The following EGFL6 variants were observed in gnomAD, a reference collection of about 807,000 sequenced individuals.
The protein encoded by EGFL6 is epidermal growth factor-like protein 6.
In EGFL6, 42 loss-of-function variants were observed where a neutral mutation model predicts 43.1. The observed-to-expected ratio is 0.98, with a 90% CI of 0.76 to 1.26. The LOEUF is 1.26. Among genes scored for constraint, EGFL6 ranks in the 50% most tolerant of loss-of-function variants. The probability of loss-of-function intolerance (pLI) is 0.00; values close to 1 mark genes in which losing one functional copy is unlikely to be tolerated. For missense variants in EGFL6, 429 were observed against 427.8 expected (o/e 1.00, Z -0.02); for synonymous variants, 164 against 163.2 (o/e 1.01, Z -0.04).
chrX:13,583,870 C>G (rs905791314), intron 1 of EGFL6, among the ~76,000 whole-genome samples: 1 of 111,785 alleles, frequency 8.9e-6, no homozygotes, highest in Non-Finnish European at 1.9e-5. Flanking sequence ...GAGGCTGCAA[C>G]TCCCACAGGC....
chrX:13,580,046 C>A (rs2045496872), intron 1 of EGFL6, among the ~76,000 whole-genome samples: 1 of 111,384 alleles, frequency 9.0e-6, no homozygotes, highest in African/African-American at 3.3e-5. Context: ...CTAAGTACAA[C>A]CCCACATAAA....
chrX:13,589,165 G>A (rs2045549167), intron 1 of EGFL6, among the ~76,000 whole-genome samples: 1 of 111,905 alleles, frequency 8.9e-6, no homozygotes, highest in Non-Finnish European at 1.9e-5. Context: ...AGGTGCCAGT[G>A]GGATAAAAGT....
intron 9 of EGFL6, among the ~76,000 whole-genome samples, chrX:13,621,331 T>C (rs185234841): frequency 1.8e-5 from 2 of 111,958 alleles, no homozygotes; most frequent in Admixed American, 9.4e-5. Flanking sequence ...CTCATAATTA[T>C]CCTACTGAAG....
intron 3 of EGFL6, among the ~76,000 whole-genome samples, chrX:13,598,988 T>G (rs954823867): frequency 5.6e-5 from 6 of 106,204 alleles, no homozygotes; most frequent in Non-Finnish European, 1.2e-4. Context: ...CCAAATGTCA[T>G]CCTGTGAACA....
Position 13,627,023 on chromosome X carries a change from A to G in EGFL6, c.1298A>G (p.Tyr433Cys). 3 of 1,211,982 alleles carry G rather than the reference A, an allele frequency of 2.5e-6. No homozygotes were observed. Among genetic ancestry groups the G allele is most frequent in the South Asian group, 1.8e-5 (1 of 56,997 alleles). The change falls in exon 11 of 12, where the codon TAT (tyrosine) becomes TGT (cysteine). Residue 433 changes from tyrosine (Y) to cysteine (C), a missense_variant. Transcript: ENST00000361306. ...CCTTCTCTTAAAGCTATTGGCTTCTATATGGCAGTTCCGGCCTTGGCAGGT... is the reference window on the plus strand; with the variant it reads ...CCTTCTCTTAAAGCTATTGGCTTCTGTATGGCAGTTCCGGCCTTGGCAGGT... ...PADRDNAIGF[Y>C]MAVPALAGHK...
intron 1 of EGFL6, among the ~76,000 whole-genome samples, chrX:13,577,333 TATATATATACATAC>T (rs1569201016): frequency 6.5e-5 from 1 of 15,443 alleles, no homozygotes; most frequent in South Asian, 4.8e-3. Flanking sequence ...TATATATATA[TATATATATACATAC>T]ACACACACAC....
At chrX:13,612,185 G>A (rs1190296028) in intron 7 of EGFL6, among the ~76,000 whole-genome samples, 6 of 110,859 alleles carry the variant, frequency 5.4e-5, no homozygotes, top group African/African-American at 2.0e-4. Context: ...CTAGGCAGAG[G>A]ACCCTGCGGC....
chrX:13,613,157 CATAT>C (rs35293457), intron 7 of EGFL6, among the ~76,000 whole-genome samples: 6 of 89,409 alleles, frequency 6.7e-5, no homozygotes, highest in East Asian at 3.4e-4. Flanking sequence ...TAAATATATA[CATAT>C]ATATATATAT....
chrX:13,618,149 G>A, intron 8 of EGFL6, 96 bp downstream of exon 8: 1 of 883,139 alleles, frequency 1.1e-6, no homozygotes, highest in Non-Finnish European at 1.6e-6. Context: ...CACAGCTTAA[G>A]TAAAATGGGT....
intron 9 of EGFL6, among the ~76,000 whole-genome samples, chrX:13,621,929 G>A (rs1033804189): frequency 8.9e-6 from 1 of 112,419 alleles, no homozygotes; most frequent in African/African-American, 3.2e-5. Flanking sequence ...GTATGGAATA[G>A]TTTGCTATAT....
chrX:13,594,127 A>G (rs776777233), intron 2 of EGFL6, among the ~76,000 whole-genome samples: 1 of 110,451 alleles, frequency 9.1e-6, no homozygotes, highest in East Asian at 2.9e-4. Flanking sequence ...TTTTCTCCTT[A>G]TAACCTCCCT....
At chrX:13,587,757 CAT>C (rs2045541527) in intron 1 of EGFL6, among the ~76,000 whole-genome samples, 1 of 112,189 alleles carries the variant, frequency 8.9e-6, no homozygotes, top group Non-Finnish European at 1.9e-5. Flanking sequence ...TACTTGAATG[CAT>C]ATGTTTCCAA....
At chrX:13,601,751 C>T (rs1045077705) in intron 4 of EGFL6, among the ~76,000 whole-genome samples, 2 of 111,881 alleles carry the variant, frequency 1.8e-5, no homozygotes, top group East Asian at 2.8e-4. Flanking sequence ...GAAACAAATG[C>T]ATAGTTTAAT....
chrX:13,589,988 A>G (rs191421053), intron 2 of EGFL6, among the ~76,000 whole-genome samples: 55 of 112,420 alleles, frequency 4.9e-4, no homozygotes, highest in African/African-American at 1.8e-3. Context: ...AGGCTGGTAA[A>G]TTTCTCCTCT....
chrX:13,632,273 T>G (rs1225307092), intron 11 of EGFL6, among the ~76,000 whole-genome samples: 3 of 108,582 alleles, frequency 2.8e-5, no homozygotes, highest in Non-Finnish European at 5.7e-5. Context: ...AAATATATCT[T>G]TGACTATATA....
intron 3 of EGFL6, among the ~76,000 whole-genome samples, chrX:13,598,667 G>A (rs1475182080): frequency 9.2e-6 from 1 of 108,594 alleles, no homozygotes; most frequent in Non-Finnish European, 1.9e-5. Context: ...GTCGCATTTA[G>A]AGCATACCCT....
At chrX:13,626,037 TGAAA>T (rs1332566333) in intron 10 of EGFL6, among the ~76,000 whole-genome samples, 1 of 111,777 alleles carries the variant, frequency 8.9e-6, no homozygotes, top group Non-Finnish European at 1.9e-5. Context: ...AAAGCGTAGC[TGAAA>T]GAGATGCCAG....
At chrX:13,626,640 T>C (rs941511745) in intron 10 of EGFL6, among the ~76,000 whole-genome samples, 1 of 111,956 alleles carries the variant, frequency 8.9e-6, no homozygotes, top group African/African-American at 3.2e-5. Flanking sequence ...GGGAAGTGCA[T>C]TCTAAGTTTC....
rs1215766140 is a variant in EGFL6 at position 13,627,271 on chromosome X, A to G, written c.1546A>G (p.Lys516Glu). Residue 516 changes from lysine (K) to glutamate (E), a missense_variant, in exon 11 of 12, where the codon AAA (lysine) becomes GAA (glutamate). Physicochemically the swap from Lys to Glu is moderately conservative, Grantham distance 56 (BLOSUM62 1). Coordinates refer to ENST00000361306, the MANE Select transcript of EGFL6 (RefSeq NM_015507.4). ...GTTGTATCAAGGAACTGATGCTACC[A>G]AAAGCGTAAGTGGGAAAAAAATGAT... ...IQLYQGTDATKSIIFEAERGK... is the reference protein window; with the variant it reads ...IQLYQGTDATESIIFEAERGK... 2 of 1,202,510 alleles carry G rather than the reference A, an allele frequency of 1.7e-6. No individual in the cohort carries two copies. Among genetic ancestry groups the G allele is most frequent in the African/African-American group, 3.5e-5 (2 of 57,779 alleles).
Sources: gnomAD v4.1 joint callset for allele counts (sites outside exome capture counted in the v4.1 genomes callset) on GRCh38, gnomAD v4.1.1 for gene constraint, MANE v1.5 for transcripts, NCBI Gene and HGNC (gene_info 2026-07-23, HGNC 2026-07-21) for gene names.